Variants in ZNF652 observed in about 807,000 individuals in gnomAD.
ZNF652 encodes the protein zinc finger protein 652.
A neutral mutation model predicts 45.2 loss-of-function variants in ZNF652; 16 were observed. The ratio of observed to expected loss-of-function variants is 0.35; its 90% confidence interval spans 0.24 to 0.54. The LOEUF (loss-of-function observed/expected upper bound fraction) is 0.54. ZNF652 is among the 20% of genes least tolerant of loss of function. ZNF652 has a pLI of 0.91. For missense variants in ZNF652, 614 were observed against 765.6 expected (o/e 0.80, Z 2.34); for synonymous variants, 250 against 260.6 (o/e 0.96, Z 0.39).
chr17:49,317,540 T>C lies in ZNF652; in HGVS notation c.186A>G (p.Leu62=). 1 of 1,614,166 alleles carries C rather than the reference T, an allele frequency of 6.2e-7. No homozygotes were observed. The highest frequency in any genetic ancestry group is 8.5e-7 in the Non-Finnish European group (1 of 1,180,026). ...GCGGTTTGCTCATCTTGGTGTCCAC[T>C]AACACAGAATAAGGACTTCCTGATT... ...KRESGSPYSV[L]VDTKMSKPHL... is the part of the protein sequence containing the mutation. Residue 62 remains leucine, a synonymous_variant, in exon 2 of 6, where the codon TTA becomes TTG. Transcript: ENST00000430262.
At chr17:49,348,697 T>TATAAGTTAA (rs2070237970) in intron 1 of ZNF652, among the ~76,000 whole-genome samples, 1 of 152,102 alleles carries the variant, frequency 6.6e-6, no homozygotes, top group African/African-American at 2.4e-5. Context: ...TACTTAATGA[T>TATAAGTTAA]GCTCAGGAAG....
At chr17:49,309,023 AAG>A (rs2069671155) in intron 5 of ZNF652, among the ~76,000 whole-genome samples, 2 of 152,178 alleles carry the variant, frequency 1.3e-5, no homozygotes, top group East Asian at 3.9e-4. Context: ...ATACAAGAGA[AAG>A]AGGGAGGAAG....
rs1021275283 is a variant in ZNF652 at position 49,294,764 on chromosome 17, C to T, written c.*3649G>A. On this transcript the variant is annotated 3_prime_UTR_variant, in exon 6 of 6. Transcript: ENST00000430262. ...CTTTGAAGACAGTAAAACTAAGTAA[C>T]GAGAGACAGCCTCAATTTGTTATCT... 2 of 152,174 alleles carry T rather than the reference C, an allele frequency of 1.3e-5. No homozygotes were observed. Among genetic ancestry groups the T allele is most frequent in the African/African-American group, 2.4e-5 (1 of 41,438 alleles). 9.4% of individuals were successfully genotyped at this position (152,174 alleles called of 1,614,324 possible). A position where few individuals can be genotyped will look rare whatever the true frequency, so the allele number is the denominator to read the frequency against.
At chr17:49,335,184 C>G (rs2070067308) in intron 1 of ZNF652, among the ~76,000 whole-genome samples, 2 of 152,040 alleles carry the variant, frequency 1.3e-5, no homozygotes, top group African/African-American at 4.8e-5. Flanking sequence ...CAAAGGTGAT[C>G]TGAAGTAATA....
chr17:49,341,954 G>A (rs548102962), intron 1 of ZNF652, among the ~76,000 whole-genome samples: 1 of 152,336 alleles, frequency 6.6e-6, no homozygotes, highest in Middle Eastern at 3.4e-3. Context: ...GGGAGGCCAA[G>A]GCAGGCAGAT....
rs62624972 is a variant in ZNF652 at position 49,317,709 on chromosome 17, C to A, written c.17G>T (p.Ser6Ile). 1.5e-5 allele frequency: 24 copies of A among 1,591,986 alleles called. No homozygotes were observed. The highest frequency in any genetic ancestry group is 2.1e-5 in the Non-Finnish European group (24 of 1,163,830). MSHTASSCQELVENCA... is the reference protein window; with the variant it reads MSHTAISCQELVENCA... ...GTTTTCAACCAGCTCCTGACAAGAA[C>A]TGGCTGTGTGGCTCATTGGTAAGTG... Residue 6 changes from serine (S) to isoleucine (I), a missense_variant, in exon 2 of 6, where the codon AGT (serine) becomes ATT (isoleucine). By Grantham distance (142) the Ser-to-Ile change is moderately radical (BLOSUM62 -2). Transcript: ENST00000430262.
intron 1 of ZNF652, among the ~76,000 whole-genome samples, chr17:49,325,746 C>A (rs1342612830): frequency 1.3e-5 from 2 of 152,042 alleles, no homozygotes; most frequent in Admixed American, 6.6e-5. Flanking sequence ...TTGCTTGAAC[C>A]AGGAGGCGGA....
At chr17:49,324,086 G>C (rs998033360) in intron 1 of ZNF652, among the ~76,000 whole-genome samples, 1 of 152,176 alleles carries the variant, frequency 6.6e-6, no homozygotes, top group Non-Finnish European at 1.5e-5. Flanking sequence ...AAGGCATTTT[G>C]TCTACACCAG....
At chr17:49,288,190 T>C (rs185373125), downstream of ZNF652, among the ~76,000 whole-genome samples, 2 of 152,156 alleles carry the variant, frequency 1.3e-5, no homozygotes, top group East Asian at 3.9e-4. Flanking sequence ...AAAGTAGTGG[T>C]AAAAATATTT....
chr17:49,304,923 CACAT>C (rs2069608184), intron 5 of ZNF652, among the ~76,000 whole-genome samples: 1 of 151,926 alleles, frequency 6.6e-6, no homozygotes, highest in African/African-American at 2.4e-5. Context: ...TATACACACA[CACAT>C]ACCTACATAT....
Position 49,323,412 on chromosome 17 carries a change from T to C in ZNF652, c.-258-5429A>G, listed in dbSNP as rs183326113. On this transcript the variant is annotated intron_variant, in intron 1 of 5. Transcript: ENST00000430262. Reference sequence around the variant, plus strand: ...TGCAGTGACTTCCTCCACTGAAGTGTTGAAACCCTCAAAGTCATCCATGAG... The same window carrying C: ...TGCAGTGACTTCCTCCACTGAAGTGCTGAAACCCTCAAAGTCATCCATGAG... Among the ~76,000 whole-genome samples the C allele has an allele frequency of 1.2e-4, 18 of 152,346 alleles. No homozygotes were observed. In the East Asian group the frequency reaches 1.9e-3, roughly 16 times the overall value.
intron 1 of ZNF652, among the ~76,000 whole-genome samples, chr17:49,330,601 G>A (rs781610031): frequency 4.6e-5 from 7 of 151,832 alleles, no homozygotes; most frequent in East Asian, 1.9e-4. Flanking sequence ...CACCCGCCTC[G>A]GCCTCCCAAA....
chr17:49,295,891 T>C lies in ZNF652; in HGVS notation c.*2522A>G, dbSNP rs1221032451. 8.6e-6 allele frequency: 1 copy of C among 116,712 alleles called. No individual in the cohort carries two copies. Among genetic ancestry groups the C allele is most frequent in the Non-Finnish European group, 1.6e-5 (1 of 62,352 alleles). 7.2% of individuals were successfully genotyped at this position (116,712 alleles called of 1,614,324 possible). ...GGGCGGGGGTTGCAGTGAGCCAAGA[T>C]CACGCCACTGCACTCCAGCCCAGGC... On this transcript the variant is annotated 3_prime_UTR_variant, in exon 6 of 6. Coordinates refer to ENST00000430262, the MANE Select transcript of ZNF652 (RefSeq NM_001145365.3).
At chr17:49,336,948 T>G (rs1598307445) in intron 1 of ZNF652, among the ~76,000 whole-genome samples, 1 of 116,982 alleles carries the variant, frequency 8.5e-6, no homozygotes, top group Non-Finnish European at 1.9e-5. Flanking sequence ...TGGTGTTTTT[T>G]TTTTTTTTTT....
At chr17:49,323,821 A>C (rs1247718741) in intron 1 of ZNF652, among the ~76,000 whole-genome samples, 1 of 152,210 alleles carries the variant, frequency 6.6e-6, no homozygotes, top group East Asian at 1.9e-4. Context: ...CAGTGGGCTT[A>C]AAATATTCAG....
intron 5 of ZNF652, among the ~76,000 whole-genome samples, chr17:49,309,580 C>T (rs2143756890): frequency 6.6e-6 from 1 of 151,612 alleles, no homozygotes; most frequent in East Asian, 1.9e-4. Flanking sequence ...GTTTTCTTGC[C>T]GTATCACACA....
At chr17:49,312,995 C>A in intron 2 of ZNF652, 150 bp from the exon 3 acceptor site, 1 of 669,934 alleles carries the variant, frequency 1.5e-6, no homozygotes, top group South Asian at 2.5e-5. Flanking sequence ...GATTCCAACA[C>A]CAACATCTGT....
intron 1 of ZNF652, among the ~76,000 whole-genome samples, chr17:49,321,357 G>C (rs546312945): frequency 4.8e-4 from 73 of 150,954 alleles, no homozygotes; most frequent in African/African-American, 1.7e-3. Flanking sequence ...TCTGCCTCCC[G>C]GGTTCAAGTG....
chr17:49,312,103 G>C, intron 3 of ZNF652, 61 bp from the exon 4 acceptor site: 1 of 1,194,858 alleles, frequency 8.4e-7, no homozygotes, highest in Non-Finnish European at 1.2e-6. Flanking sequence ...AAACTAAAAA[G>C]GCATCCTACT....
Sources: gnomAD v4.1 joint callset for allele counts (sites outside exome capture counted in the v4.1 genomes callset) on GRCh38, gnomAD v4.1.1 for gene constraint, MANE v1.5 for transcripts, NCBI Gene and HGNC (gene_info 2026-07-23, HGNC 2026-07-21) for gene names.